ANXA11: variants seen among roughly 807,000 people sequenced by gnomAD.
ANXA11 encodes the protein 56 kDa autoantigen.
Under a neutral mutation model 64.7 loss-of-function variants are expected in ANXA11, and 57 were observed. That is an observed-to-expected ratio of 0.88 (90% CI 0.71 to 1.10). The LOEUF is 1.10. Among genes scored for constraint, ANXA11 ranks in the 50% least tolerant of loss-of-function variants. ANXA11 has a pLI of 0.00. For synonymous variants in ANXA11, 260 were observed against 265.2 expected, an observed-to-expected ratio of 0.98 and a Z score of 0.19; for missense variants, 675 against 670.7, an observed-to-expected ratio of 1.01 and a Z score of -0.07.
chr10:80,201,169 C>A (rs928972436), intron 1 of ANXA11, among the ~76,000 whole-genome samples: 2 of 152,146 alleles, frequency 1.3e-5, no homozygotes, highest in African/African-American at 4.8e-5. Context: ...ATCATCCCAC[C>A]AAAGCAGTGA....
intron 1 of ANXA11, among the ~76,000 whole-genome samples, chr10:80,185,513 G>A (rs539429517): frequency 1.4e-4 from 21 of 152,310 alleles, no homozygotes; most frequent in East Asian, 3.9e-4. Context: ...TTGCAACAGC[G>A]TAATAAAAGC....
intron 1 of ANXA11, among the ~76,000 whole-genome samples, chr10:80,193,701 T>C (rs1846868766): frequency 6.7e-6 from 1 of 148,920 alleles, no homozygotes; most frequent in Non-Finnish European, 1.5e-5. Flanking sequence ...GAAAGTAGTC[T>C]GGCGTGGTGG....
At chr10:80,172,666 ACTC>A in intron 3 of ANXA11, 138 bp downstream of exon 3, 1 of 819,640 alleles carries the variant, frequency 1.2e-6, no homozygotes, top group East Asian at 2.6e-5. Context: ...CTGTCCCACT[ACTC>A]CTGTTGTCCT....
intron 3 of ANXA11, among the ~76,000 whole-genome samples, chr10:80,172,088 G>T (rs1845997129): frequency 6.6e-6 from 1 of 152,200 alleles, no homozygotes; most frequent in Non-Finnish European, 1.5e-5. Context: ...GGGGAGAGGG[G>T]CAGCGGCTCA....
At chr10:80,193,687 T>C (rs1376183928) in intron 1 of ANXA11, among the ~76,000 whole-genome samples, 1 of 150,620 alleles carries the variant, frequency 6.6e-6, no homozygotes, top group Non-Finnish European at 1.5e-5. Context: ...CTACTAAAAA[T>C]ACAGAAAGTA....
At chr10:80,186,383 T>C (rs909673588) in intron 1 of ANXA11, among the ~76,000 whole-genome samples, 3 of 152,028 alleles carry the variant, frequency 2.0e-5, no homozygotes, top group South Asian at 4.2e-4. Context: ...CACACTGGCA[T>C]GGCTGTGTTG....
intron 1 of ANXA11, among the ~76,000 whole-genome samples, chr10:80,202,064 C>T (rs574693662): frequency 1.3e-5 from 2 of 152,216 alleles, no homozygotes; most frequent in African/African-American, 4.8e-5. Context: ...CTTCACAGCT[C>T]CTGGCAGTCA....
At chr10:80,174,904 G>A (rs567889691) in intron 2 of ANXA11, among the ~76,000 whole-genome samples, 2 of 152,302 alleles carry the variant, frequency 1.3e-5, no homozygotes, top group Non-Finnish European at 2.9e-5. Flanking sequence ...AGGTACCACC[G>A]GTCCCCATAG....
intron 1 of ANXA11, among the ~76,000 whole-genome samples, chr10:80,198,536 C>A (rs1002166984): frequency 2.0e-5 from 3 of 152,256 alleles, no homozygotes; most frequent in Admixed American, 2.0e-4. Flanking sequence ...GGTCCCATCA[C>A]AGACCTCCTA....
At chr10:80,196,711 C>G (rs969153692) in intron 1 of ANXA11, among the ~76,000 whole-genome samples, 1 of 152,204 alleles carries the variant, frequency 6.6e-6, no homozygotes, top group African/African-American at 2.4e-5. Flanking sequence ...CAGCACTCCA[C>G]CAACCCTGAC....
chr10:80,170,862 T>TG lies in ANXA11; in HGVS notation c.108dup (p.Ile37HisfsTer5), dbSNP rs751349522. On this transcript the variant is annotated frameshift_variant, in exon 4 of 16. Coordinates refer to ENST00000422982, the MANE Select transcript of ANXA11 (RefSeq NM_145868.2). LOFTEE classifies it high-confidence loss of function. ...TAGGTGGCCACGTTATCCAGCCCGATGGGGGGCATGCTGGGCGGAGGAGGG... is the reference window on the plus strand; with the variant it reads ...TAGGTGGCCACGTTATCCAGCCCGATGGGGGGGCATGCTGGGCGGAGGAGGG... 2 of 1,541,244 alleles carry TG rather than the reference T, an allele frequency of 1.3e-6. No homozygotes were observed. The highest frequency in any genetic ancestry group is 2.4e-5 in the East Asian group (1 of 42,160).
intron 1 of ANXA11, among the ~76,000 whole-genome samples, chr10:80,187,339 G>A (rs913304038): frequency 1.3e-5 from 2 of 152,210 alleles, no homozygotes; most frequent in Non-Finnish European, 2.9e-5. Context: ...GGGACACAGG[G>A]AGAAGGTGCT....
intron 13 of ANXA11, 51 bp downstream of exon 13, chr10:80,159,049 C>G: frequency 7.1e-7 from 1 of 1,404,360 alleles, no homozygotes; most frequent in Non-Finnish European, 1.0e-6. Flanking sequence ...CCTGAACACT[C>G]ACGATACACG....
intron 1 of ANXA11, among the ~76,000 whole-genome samples, chr10:80,179,061 C>T (rs1846268956): frequency 6.6e-6 from 1 of 152,316 alleles, no homozygotes; most frequent in South Asian, 2.1e-4. Flanking sequence ...ACAATACAAT[C>T]GAATTGTAAT....
intron 1 of ANXA11, among the ~76,000 whole-genome samples, chr10:80,200,361 AAG>A (rs1330975042): frequency 2.6e-5 from 4 of 152,232 alleles, no homozygotes; most frequent in Admixed American, 1.3e-4. Flanking sequence ...CTGTAAAGAA[AAG>A]AGATTCTCCC....
chr10:80,187,308 C>T (rs1467299965), intron 1 of ANXA11, among the ~76,000 whole-genome samples: 1 of 152,158 alleles, frequency 6.6e-6, no homozygotes, highest in East Asian at 1.9e-4. Context: ...TCCCAGAGGG[C>T]CCAACCCTTT....
chr10:80,174,982 T>C (rs1014914266), intron 2 of ANXA11, among the ~76,000 whole-genome samples: 6 of 152,158 alleles, frequency 3.9e-5, no homozygotes, highest in African/African-American at 7.2e-5. Flanking sequence ...GAGGTGACCG[T>C]AGGCAAAGCC....
At chr10:80,157,129 G>A (rs1422879028) in intron 15 of ANXA11, 222 of 968,748 alleles carry the variant, frequency 2.3e-4, no homozygotes, top group Non-Finnish European at 2.6e-4. Flanking sequence ...TAAAGACAAT[G>A]GAGCTGGGGT....
At chr10:80,157,344 T>A (rs948566654) in intron 15 of ANXA11, 2 of 985,278 alleles carry the variant, frequency 2.0e-6, no homozygotes, top group African/African-American at 3.5e-5. Context: ...CACTGACAGA[T>A]CAAGGAATCA....
Sources: gnomAD v4.1 joint callset for allele counts (sites outside exome capture counted in the v4.1 genomes callset) on GRCh38, gnomAD v4.1.1 for gene constraint, MANE v1.5 for transcripts, NCBI Gene and HGNC (gene_info 2026-07-23, HGNC 2026-07-21) for gene names.